EYS: variants seen among roughly 807,000 people sequenced by gnomAD.
EYS encodes protein eyes shut homolog.
A neutral mutation model predicts 282.1 loss-of-function variants in EYS; 250 were observed. The observed-to-expected ratio is 0.89, with a 90% CI of 0.80 to 0.98. The LOEUF (loss-of-function observed/expected upper bound fraction) is 0.98, where lower values mean the gene tolerates loss of function less well. EYS is among the 50% of genes least tolerant of loss of function. EYS has a pLI of 0.00. For missense variants in EYS, 4,016 were observed against 3,709.0 expected, an observed-to-expected ratio of 1.08 and a Z score of -2.15; for synonymous variants, 1,355 against 1,282.9, an observed-to-expected ratio of 1.06 and a Z score of -1.20.
intron 12 of EYS, among the ~76,000 whole-genome samples, chr6:65,099,261 C>T (rs539493376): frequency 8.0e-5 from 12 of 150,376 alleles, no homozygotes; most frequent in Admixed American, 2.0e-4. Flanking sequence ...CAAATGCCTA[C>T]GAAAATAATA....
intron 35 of EYS, among the ~76,000 whole-genome samples, chr6:63,963,851 G>A (rs1317501128): frequency 6.6e-6 from 1 of 152,150 alleles, no homozygotes; most frequent in Non-Finnish European, 1.5e-5. Flanking sequence ...CTCACATTGA[G>A]CACCTATAAG....
chr6:64,705,031 A>G (rs1467580913), intron 22 of EYS, among the ~76,000 whole-genome samples: 4 of 152,152 alleles, frequency 2.6e-5, no homozygotes, highest in Non-Finnish European at 4.4e-5. Context: ...AGGAAGTCAA[A>G]CTGTTGCTGT....
At chr6:65,370,191 T>A (rs1765083888) in intron 8 of EYS, among the ~76,000 whole-genome samples, 1 of 151,336 alleles carries the variant, frequency 6.6e-6, no homozygotes, top group Non-Finnish European at 1.5e-5. Context: ...GCAATGCCTC[T>A]TCTTTCTTTC....
intron 13 of EYS, among the ~76,000 whole-genome samples, chr6:65,001,152 C>A (rs1771452417): frequency 6.7e-6 from 1 of 148,884 alleles, no homozygotes; most frequent in South Asian, 2.1e-4. Flanking sequence ...GGTTAACCAG[C>A]TGAATGGACC....
intron 22 of EYS, among the ~76,000 whole-genome samples, chr6:64,783,698 A>G (rs959036060): frequency 2.6e-5 from 4 of 152,170 alleles, no homozygotes; most frequent in African/African-American, 9.6e-5. Flanking sequence ...CAATGAATAC[A>G]ATTTTTAAAA....
intron 26 of EYS, among the ~76,000 whole-genome samples, chr6:64,535,891 C>T (rs1764503055): frequency 6.6e-6 from 1 of 151,774 alleles, no homozygotes; most frequent in Non-Finnish European, 1.5e-5. Flanking sequence ...ATATTAAGTT[C>T]AAGAACATTG....
rs555914985 is a variant in EYS at position 64,248,732 on chromosome 6, T to C, written c.6192-17908A>G. On this transcript the variant is annotated intron_variant, in intron 30 of 42. Transcript: ENST00000503581. ...CCAATTCAACAATCCTACTACTGGG[T>C]ATATGTCCAAAGAAAAATAAATCAA... 2.0e-5 allele frequency among the ~76,000 whole-genome samples: 3 copies of C among 152,214 alleles called. No individual in the cohort carries two copies. In the South Asian group the frequency reaches 6.2e-4, roughly 32 times the overall value.
intron 39 of EYS, 142 bp from the exon 40 acceptor site, chr6:63,778,322 G>C (rs1170097646): frequency 1.2e-6 from 1 of 855,880 alleles, no homozygotes; most frequent in African/African-American, 1.7e-5. Context: ...TAAGAATACA[G>C]AAATGCGCAG....
chr6:63,996,718 T>C (rs570659592), intron 34 of EYS, among the ~76,000 whole-genome samples: 6 of 152,196 alleles, frequency 3.9e-5, no homozygotes, highest in Non-Finnish European at 5.9e-5. Flanking sequence ...TTTATTTTCC[T>C]TCTCTGTATT....
At chr6:63,807,747 T>C (rs973989307) in intron 36 of EYS, among the ~76,000 whole-genome samples, 3 of 152,180 alleles carry the variant, frequency 2.0e-5, no homozygotes, top group Non-Finnish European at 4.4e-5. Flanking sequence ...ATATTGCTTC[T>C]TATACTTATT....
intron 15 of EYS, among the ~76,000 whole-genome samples, chr6:64,917,730 CAT>C (rs1297772792): frequency 1.3e-5 from 2 of 152,056 alleles, no homozygotes; most frequent in African/African-American, 2.4e-5. Context: ...TGAAGTAATG[CAT>C]ATGTTAATTA....
chr6:64,181,701 A>T (rs1189344830), intron 31 of EYS, among the ~76,000 whole-genome samples: 1 of 152,064 alleles, frequency 6.6e-6, no homozygotes, highest in Non-Finnish European at 1.5e-5. Context: ...CCACTAAAAA[A>T]CGTGTTTTTT....
At chr6:65,376,589 A>G (rs1403194714) in intron 8 of EYS, among the ~76,000 whole-genome samples, 1 of 152,182 alleles carries the variant, frequency 6.6e-6, no homozygotes, top group African/African-American at 2.4e-5. Context: ...GGCAAGTTGG[A>G]TAGAGTCAAG....
intron 41 of EYS, among the ~76,000 whole-genome samples, chr6:63,730,568 A>C (rs2149634689): frequency 6.6e-6 from 1 of 152,366 alleles, no homozygotes; most frequent in African/African-American, 2.4e-5. Context: ...TTCAATGAAC[A>C]ATCTACATGG....
intron 25 of EYS, among the ~76,000 whole-genome samples, chr6:64,592,628 T>A (rs1016266017): frequency 2.0e-5 from 3 of 152,138 alleles, no homozygotes; most frequent in African/African-American, 7.2e-5. Flanking sequence ...GTTTATAATA[T>A]GACATCACTT....
At chr6:64,212,519 C>T (rs1357517459) in intron 31 of EYS, among the ~76,000 whole-genome samples, 1 of 151,010 alleles carries the variant, frequency 6.6e-6, no homozygotes, top group Non-Finnish European at 1.5e-5. Flanking sequence ...TTGGCTTCCA[C>T]ACCAAATCTA....
rs527902589 is a variant in EYS, at chr6:64,972,190, G to T, written c.2259+25392C>A. Among the ~76,000 whole-genome samples, 3 of 152,184 alleles carry T rather than the reference G, an allele frequency of 2.0e-5. No individual in the cohort carries two copies. The South Asian group carries it at 6.2e-4, about 32-fold the overall frequency. On this transcript the variant is annotated intron_variant, in intron 14 of 42. Coordinates refer to ENST00000503581, the MANE Select transcript of EYS (RefSeq NM_001142800.2). ...TGGAAGAAGACATAGAAAAAGCATT[G>T]CCAGAAAACATTTTGACATTAGGCA...
At chr6:64,354,474 T>A (rs909553157) in intron 29 of EYS, among the ~76,000 whole-genome samples, 1 of 151,602 alleles carries the variant, frequency 6.6e-6, no homozygotes, top group Non-Finnish European at 1.5e-5. Context: ...CTTCACAGTT[T>A]GTTTCCTCAT....
chr6:65,488,594 AC>A (rs1765903891), intron 5 of EYS, among the ~76,000 whole-genome samples: 1 of 152,062 alleles, frequency 6.6e-6, no homozygotes, highest in African/African-American at 2.4e-5. Context: ...TCAAGCTACC[AC>A]TGACTTTCTT....
Sources: allele counts gnomAD v4.1 joint callset (sites outside exome capture counted in the v4.1 genomes callset), GRCh38; gene constraint gnomAD v4.1.1; transcripts MANE v1.5; gene names NCBI Gene and HGNC (gene_info 2026-07-23, HGNC 2026-07-21).